The following ZNF236 variants were observed in gnomAD, a reference collection of about 807,000 sequenced individuals.
ZNF236 encodes regulated by glucose.
Under a neutral mutation model 191.2 loss-of-function variants are expected in ZNF236, and 50 were observed. The ratio of observed to expected loss-of-function variants is 0.26; its 90% CI spans 0.21 to 0.33. The LOEUF (loss-of-function observed/expected upper bound fraction) is 0.33. Among genes scored for constraint, ZNF236 ranks in the 10% least tolerant of loss-of-function variants. The pLI is 1.00. For missense variants in ZNF236, 1,754 were observed against 2,374.5 expected, an observed-to-expected ratio of 0.74 and a Z score of 5.43; for synonymous variants, 907 against 928.8, an observed-to-expected ratio of 0.98 and a Z score of 0.43.
chr18:76,822,838 A>C (rs1974893882), intron 1 of ZNF236, among the ~76,000 whole-genome samples, 176 bp downstream of exon 1: 1 of 145,794 alleles, frequency 6.9e-6, no homozygotes, highest in African/African-American at 2.5e-5. Flanking sequence ...CGCGGGCGGA[A>C]TGATACGGGC....
intron 30 of ZNF236, among the ~76,000 whole-genome samples, chr18:76,967,542 G>C (rs200098040): frequency 2.1e-3 from 170 of 81,894 alleles, no homozygotes; most frequent in Admixed American, 5.7e-3. Flanking sequence ...TGATCTGTGA[G>C]ATTTGTGATT....
chr18:76,965,790 A>C (rs1599432802), intron 30 of ZNF236, among the ~76,000 whole-genome samples: 2 of 152,260 alleles, frequency 1.3e-5, no homozygotes, highest in South Asian at 2.1e-4. Context: ...TGGAGATGGC[A>C]GGGGGGTGAA....
intron 25 of ZNF236, chr18:76,936,469 TC>T (rs538822854): frequency 3.2e-4 from 144 of 453,160 alleles, no homozygotes; most frequent in South Asian, 2.2e-3. Context: ...CCAGATACTT[TC>T]GTTTCTCTTA....
intron 9 of ZNF236, chr18:76,884,991 G>A (rs1303452796): frequency 6.6e-6 from 1 of 152,168 alleles, no homozygotes; most frequent in Non-Finnish European, 1.5e-5. Flanking sequence ...AAAAATACTA[G>A]TGTGAATGGC....
At chr18:76,961,899 A>C (rs1244001629) in intron 30 of ZNF236, among the ~76,000 whole-genome samples, 2 of 151,584 alleles carry the variant, frequency 1.3e-5, no homozygotes, top group Non-Finnish European at 2.9e-5. Context: ...TCCTTAGCTC[A>C]CTTTTTGATG....
At chr18:76,948,162 C>T (rs1968313233) in intron 27 of ZNF236, among the ~76,000 whole-genome samples, 1 of 151,992 alleles carries the variant, frequency 6.6e-6, no homozygotes. Flanking sequence ...ATTTAGTAAG[C>T]AATAGTCTAA....
chr18:76,846,687 C>T (rs749016563), intron 1 of ZNF236, among the ~76,000 whole-genome samples: 12 of 152,146 alleles, frequency 7.9e-5, no homozygotes, highest in Non-Finnish European at 1.8e-4. Context: ...GAAGAAGAGA[C>T]TTACCGAAAT....
chr18:76,862,245 A>C (rs923492959), intron 3 of ZNF236, among the ~76,000 whole-genome samples: 58 of 152,146 alleles, frequency 3.8e-4, no homozygotes, highest in African/African-American at 1.2e-3. Flanking sequence ...GAGAAGAAAA[A>C]CACTCCAAGA....
At chr18:76,823,994 TAGG>T (rs1307394841) in intron 1 of ZNF236, among the ~76,000 whole-genome samples, 2 of 152,164 alleles carry the variant, frequency 1.3e-5, no homozygotes, top group East Asian at 3.8e-4. Context: ...AGTGGGCGCC[TAGG>T]ACTCCCTATG....
chr18:76,928,887 G>T (rs1967777988), intron 25 of ZNF236, among the ~76,000 whole-genome samples: 1 of 151,536 alleles, frequency 6.6e-6, no homozygotes, highest in Admixed American at 6.6e-5. Flanking sequence ...TATTATTCTA[G>T]TAACTTCCAC....
chr18:76,890,830 A>C (rs7243141), intron 9 of ZNF236, among the ~76,000 whole-genome samples: 9,748 of 152,172 alleles, frequency 0.064, 1,019 homozygotes, highest in African/African-American at 0.22. Context: ...ACAAATTTGA[A>C]CTGCAAAGGT....
intron 11 of ZNF236, among the ~76,000 whole-genome samples, chr18:76,902,007 C>A (rs1977608169): frequency 6.6e-6 from 1 of 152,090 alleles, no homozygotes; most frequent in Admixed American, 6.5e-5. Flanking sequence ...GTTTTTGAAT[C>A]TTCAGTTGAG....
intron 12 of ZNF236, 96 bp from the exon 13 acceptor site, chr18:76,905,059 T>C: frequency 7.9e-7 from 1 of 1,264,924 alleles, no homozygotes; most frequent in Non-Finnish European, 1.1e-6. Flanking sequence ...AAAAATGTGA[T>C]GATGAAGTGA....
intron 3 of ZNF236, 141 bp downstream of exon 3, chr18:76,852,080 C>A: frequency 1.2e-6 from 1 of 843,706 alleles, no homozygotes; most frequent in Non-Finnish European, 1.8e-6. Flanking sequence ...TTAGATTTGC[C>A]TTGACACCAG....
In ZNF236 at chr18:76,881,009, G is replaced by A. The variant is rs571657275; in HGVS notation, c.1189-275G>A. 7.9e-5 allele frequency among the ~76,000 whole-genome samples: 12 copies of A among 152,286 alleles called. No individual in the cohort carries two copies. In the South Asian group the frequency reaches 2.5e-3, roughly 32 times the overall value. ...TTAGAGACAACCAAAGTTGTGTGAG[G>A]TAAGATTTCTGAAAGTCAAATAAAT... On this transcript the variant is annotated intron_variant, in intron 8 of 30. Coordinates refer to ENST00000320610, the MANE Select transcript of ZNF236 (RefSeq NM_001306089.2).
At chr18:76,947,040 C>T (rs1022223266) in intron 26 of ZNF236, among the ~76,000 whole-genome samples, 10 of 152,108 alleles carry the variant, frequency 6.6e-5, no homozygotes, top group Non-Finnish European at 1.3e-4. Context: ...TCCCCCGACC[C>T]CCGGCCCACC....
chr18:76,859,218 G>A (rs1976138526), intron 3 of ZNF236, among the ~76,000 whole-genome samples: 1 of 127,346 alleles, frequency 7.9e-6, no homozygotes, highest in African/African-American at 3.0e-5. Flanking sequence ...GCAGGTGCAG[G>A]TGGAGGAGAA....
At chr18:76,825,980 T>A (rs925551576) in intron 1 of ZNF236, among the ~76,000 whole-genome samples, 12 of 152,250 alleles carry the variant, frequency 7.9e-5, no homozygotes, top group African/African-American at 2.7e-4. Flanking sequence ...TATCACTTAC[T>A]GTGTTAATCA....
intron 30 of ZNF236, among the ~76,000 whole-genome samples, chr18:76,964,260 C>T (rs1157607288): frequency 6.6e-6 from 1 of 152,134 alleles, no homozygotes; most frequent in Non-Finnish European, 1.5e-5. Flanking sequence ...TAGGTTATGT[C>T]ACTATGGTTG....
Sources: allele counts gnomAD v4.1 joint callset (sites outside exome capture counted in the v4.1 genomes callset), GRCh38; gene constraint gnomAD v4.1.1; transcripts MANE v1.5; gene names NCBI Gene and HGNC (gene_info 2026-07-23, HGNC 2026-07-21).